AGBL4: variants seen among roughly 807,000 people sequenced by gnomAD.
AGBL4 encodes cytosolic carboxypeptidase 6.
AGBL4 carries 58 observed loss-of-function variants against 66.4 expected under a neutral mutation model. The ratio of observed to expected loss-of-function variants is 0.87; its 90% confidence interval spans 0.71 to 1.09. AGBL4 has a LOEUF of 1.09. Among genes scored for constraint, AGBL4 ranks in the 50% least tolerant of loss-of-function variants. The pLI is 0.00. For synonymous variants in AGBL4, 234 were observed against 222.9 expected, an observed-to-expected ratio of 1.05 and a Z score of -0.44; for missense variants, 579 against 631.0, an observed-to-expected ratio of 0.92 and a Z score of 0.88.
intron 1 of AGBL4, among the ~76,000 whole-genome samples, chr1:49,941,924 G>T (rs896242305): frequency 3.3e-5 from 5 of 151,922 alleles, no homozygotes; most frequent in African/African-American, 1.2e-4. Flanking sequence ...AATCCAAAAT[G>T]GAATGTAAGT....
intron 4 of AGBL4, among the ~76,000 whole-genome samples, chr1:49,212,550 C>T (rs532950571): frequency 6.6e-6 from 1 of 152,124 alleles, no homozygotes; most frequent in Non-Finnish European, 1.5e-5. Context: ...AAACAAGCTG[C>T]TAACCCTCAG....
intron 3 of AGBL4, among the ~76,000 whole-genome samples, chr1:49,338,035 C>T (rs920280275): frequency 6.6e-6 from 1 of 152,050 alleles, no homozygotes; most frequent in African/African-American, 2.4e-5. Flanking sequence ...GTTAAATTGC[C>T]CAAATTATTG....
intron 3 of AGBL4, among the ~76,000 whole-genome samples, chr1:49,655,479 G>T (rs1373545871): frequency 6.6e-6 from 1 of 152,128 alleles, no homozygotes; most frequent in Non-Finnish European, 1.5e-5. Flanking sequence ...TTTGAAGGCA[G>T]AAATAAAGAT....
At chr1:49,193,048 T>C (rs755793545) in intron 4 of AGBL4, among the ~76,000 whole-genome samples, 1 of 152,256 alleles carries the variant, frequency 6.6e-6, no homozygotes, top group Non-Finnish European at 1.5e-5. Context: ...TGTATTTCTA[T>C]GTTATCAGTT....
At chr1:49,781,782 C>T (rs1644343533) in intron 2 of AGBL4, among the ~76,000 whole-genome samples, 1 of 152,006 alleles carries the variant, frequency 6.6e-6, no homozygotes. Context: ...TTGACATCCT[C>T]TGAAATATAC....
intron 3 of AGBL4, among the ~76,000 whole-genome samples, chr1:49,339,067 T>A (rs1233976338): frequency 6.6e-6 from 1 of 152,082 alleles, no homozygotes; most frequent in Non-Finnish European, 1.5e-5. Context: ...CACTCTTGTG[T>A]GATTTTCTCC....
At chr1:49,010,216 G>T (rs2149004383) in intron 5 of AGBL4, among the ~76,000 whole-genome samples, 1 of 148,606 alleles carries the variant, frequency 6.7e-6, no homozygotes, top group South Asian at 2.2e-4. Flanking sequence ...AAAATCACAA[G>T]CATTCTTATA....
intron 6 of AGBL4, among the ~76,000 whole-genome samples, chr1:48,695,666 C>A (rs1357443774): frequency 6.6e-6 from 1 of 152,068 alleles, no homozygotes; most frequent in Non-Finnish European, 1.5e-5. Flanking sequence ...TACAGGGGAG[C>A]AGTGCTGGAA....
Position 49,494,967 on chromosome 1 carries a change from C to A in AGBL4, c.282+202346G>T, listed in dbSNP as rs1452908524. Among the ~76,000 whole-genome samples, 3 of 151,980 alleles carry A rather than the reference C, an allele frequency of 2.0e-5. No homozygotes were observed. The East Asian group carries it at 5.8e-4, about 29-fold the overall frequency. On this transcript the variant is annotated intron_variant, in intron 3 of 13. Coordinates refer to ENST00000371839, the MANE Select transcript of AGBL4 (RefSeq NM_032785.4). Reference sequence around the variant, plus strand: ...TGACTTTTAGTACAATTTTAATATACTTTAATTGTCATTTTTTGTGGTATG... The same window carrying A: ...TGACTTTTAGTACAATTTTAATATAATTTAATTGTCATTTTTTGTGGTATG...
chr1:49,060,463 T>A (rs1042714698), intron 4 of AGBL4, among the ~76,000 whole-genome samples: 4 of 152,008 alleles, frequency 2.6e-5, no homozygotes, highest in African/African-American at 7.2e-5. Context: ...CACAGCCTCA[T>A]GAGATAAGAG....
intron 3 of AGBL4, among the ~76,000 whole-genome samples, chr1:49,637,713 G>A (rs1645704307): frequency 6.6e-6 from 1 of 151,910 alleles, no homozygotes; most frequent in South Asian, 2.1e-4. Context: ...CTGTTACACA[G>A]ACTGAAAAAA....
chr1:49,502,990 G>C (rs1001856319), intron 3 of AGBL4, among the ~76,000 whole-genome samples: 1 of 152,088 alleles, frequency 6.6e-6, no homozygotes, highest in African/African-American at 2.4e-5. Context: ...CAAGACAATG[G>C]GAAAAATGCT....
chr1:49,766,904 T>A (rs910126671), intron 2 of AGBL4, among the ~76,000 whole-genome samples: 1 of 152,138 alleles, frequency 6.6e-6, no homozygotes, highest in Non-Finnish European at 1.5e-5. Flanking sequence ...AAGACTGAAC[T>A]ATCCTAAATT....
chr1:48,801,124 C>G (rs1175243196), intron 6 of AGBL4, among the ~76,000 whole-genome samples: 1 of 152,090 alleles, frequency 6.6e-6, no homozygotes, highest in Non-Finnish European at 1.5e-5. Context: ...CAGGCTTCAC[C>G]CAGCTCCCAC....
At chr1:49,946,672 G>A (rs918822013) in intron 1 of AGBL4, among the ~76,000 whole-genome samples, 5 of 151,190 alleles carry the variant, frequency 3.3e-5, no homozygotes, top group African/African-American at 7.3e-5. Flanking sequence ...AAACCAAACC[G>A]AAATCCAGCA....
intron 2 of AGBL4, among the ~76,000 whole-genome samples, chr1:49,848,225 A>C (rs1646206461): frequency 6.6e-6 from 1 of 152,208 alleles, no homozygotes; most frequent in Non-Finnish European, 1.5e-5. Context: ...TAAGAACTAA[A>C]AATAGAACTA....
chr1:49,616,915 C>A (rs568684074), intron 3 of AGBL4, among the ~76,000 whole-genome samples: 1 of 152,176 alleles, frequency 6.6e-6, no homozygotes, highest in African/African-American at 2.4e-5. Context: ...GTTCAAACCA[C>A]CATAATCTCT....
intron 3 of AGBL4, among the ~76,000 whole-genome samples, chr1:49,285,661 T>C (rs1030301022): frequency 4.0e-5 from 6 of 151,806 alleles, no homozygotes; most frequent in Non-Finnish European, 7.4e-5. Context: ...AAGAATCAAA[T>C]AGAACAATAA....
intron 5 of AGBL4, among the ~76,000 whole-genome samples, chr1:48,947,857 T>C (rs1656650404): frequency 6.6e-6 from 1 of 152,060 alleles, no homozygotes; most frequent in African/African-American, 2.4e-5. Context: ...TCTCTTTTTG[T>C]TTTAAAACAG....
Sources: gnomAD v4.1 joint callset for allele counts (sites outside exome capture counted in the v4.1 genomes callset) on GRCh38, gnomAD v4.1.1 for gene constraint, MANE v1.5 for transcripts, NCBI Gene and HGNC (gene_info 2026-07-23, HGNC 2026-07-21) for gene names.